The following MAF variants were observed in gnomAD, a reference collection of about 807,000 sequenced individuals.
The protein encoded by MAF is transcription factor Maf.
MAF carries 10 observed loss-of-function variants against 22.0 expected under a neutral mutation model. The observed-to-expected ratio is 0.45, with a 90% CI of 0.28 to 0.77. The LOEUF (loss-of-function observed/expected upper bound fraction) is 0.77, where lower values mean the gene tolerates loss of function less well. Ranked by LOEUF, MAF falls within the 30% of genes least tolerant of loss-of-function variation. The pLI is 0.12. For synonymous variants in MAF, 337 were observed against 255.8 expected, an observed-to-expected ratio of 1.32 and a Z score of -3.03; for missense variants, 544 against 548.4, an observed-to-expected ratio of 0.99 and a Z score of 0.08.
the MAF span, among the ~76,000 whole-genome samples, chr16:79,221,451 GAGC>G: frequency 2.0e-5 from 3 of 152,026 alleles, no homozygotes; most frequent in East Asian, 1.9e-4. Context: ...CAAAATATAG[GAGC>G]AGAAGACATG....
At chr16:79,280,045 T>A in the MAF span, among the ~76,000 whole-genome samples, 4 of 152,210 alleles carry the variant, frequency 2.6e-5, no homozygotes, top group South Asian at 8.3e-4. Flanking sequence ...ATTCTTCTGA[T>A]GATGATGTGA....
the MAF span, among the ~76,000 whole-genome samples, chr16:79,492,464 TG>T: frequency 1.4e-5 from 2 of 145,170 alleles, no homozygotes; most frequent in African/African-American, 4.9e-5. Context: ...CCAGCCCATT[TG>T]TTCTATATAT....
chr16:79,513,134 C>G, the MAF span, among the ~76,000 whole-genome samples: 3 of 152,262 alleles, frequency 2.0e-5, no homozygotes, highest in Admixed American at 6.5e-5. Flanking sequence ...CACTCTCACA[C>G]TGGTCCTCAC....
At chr16:79,464,616 T>C in the MAF span, among the ~76,000 whole-genome samples, 2 of 152,220 alleles carry the variant, frequency 1.3e-5, no homozygotes, top group Non-Finnish European at 2.9e-5. Context: ...TTTTGGAAAT[T>C]CTGCTCAAAA....
At chr16:79,372,750 G>A in the MAF span, among the ~76,000 whole-genome samples, 1 of 152,110 alleles carries the variant, frequency 6.6e-6, no homozygotes, top group East Asian at 1.9e-4. Flanking sequence ...ACTTTACATG[G>A]CCTACAAAAG....
chr16:79,308,921 G>A, the MAF span, among the ~76,000 whole-genome samples: 18 of 152,186 alleles, frequency 1.2e-4, no homozygotes, highest in African/African-American at 3.6e-4. Context: ...TTTAGAAAGC[G>A]TGGGCCCTTC....
chr16:79,551,080 A>T, the MAF span, among the ~76,000 whole-genome samples: 1 of 152,114 alleles, frequency 6.6e-6, no homozygotes, highest in Non-Finnish European at 1.5e-5. Flanking sequence ...GAACCACAAA[A>T]TGTTGACAAG....
the MAF span, chr16:79,516,234 T>C: frequency 6.6e-6 from 1 of 152,188 alleles, no homozygotes; most frequent in Non-Finnish European, 1.5e-5. Context: ...CATCGGGATT[T>C]AGGGCTATTT....
chr16:79,374,079 G>C, the MAF span, among the ~76,000 whole-genome samples: 3 of 152,082 alleles, frequency 2.0e-5, no homozygotes, highest in Admixed American at 6.5e-5. Context: ...CCTCTGCCTT[G>C]TCAGTGAAAA....
the MAF span, among the ~76,000 whole-genome samples, chr16:79,313,944 T>C: frequency 2.6e-5 from 4 of 152,274 alleles, no homozygotes; most frequent in South Asian, 2.1e-4. Flanking sequence ...TCACAGGATG[T>C]CTGCGATGAT....
the MAF span, among the ~76,000 whole-genome samples, chr16:79,433,766 C>G: frequency 3.3e-5 from 5 of 152,218 alleles, no homozygotes; most frequent in African/African-American, 7.2e-5. Context: ...AGATGTAGGG[C>G]TGGGACTTAG....
chr16:79,529,853 C>G, the MAF span, among the ~76,000 whole-genome samples: 1 of 151,640 alleles, frequency 6.6e-6, no homozygotes, highest in African/African-American at 2.4e-5. Flanking sequence ...CCCAGCTACT[C>G]AGAAGGCTGA....
chr16:79,385,426 T>C, the MAF span, among the ~76,000 whole-genome samples: 1 of 152,202 alleles, frequency 6.6e-6, no homozygotes, highest in Non-Finnish European at 1.5e-5. Context: ...TTTTTTTCAT[T>C]TTAAACTCTG....
chr16:79,317,277 C>A, the MAF span, among the ~76,000 whole-genome samples: 1 of 143,688 alleles, frequency 7.0e-6, no homozygotes, highest in Non-Finnish European at 1.5e-5. Context: ...TCCCTCCCTC[C>A]TTCCTTCCTT....
the MAF span, among the ~76,000 whole-genome samples, chr16:79,414,396 G>C: frequency 1.3e-5 from 2 of 152,144 alleles, no homozygotes; most frequent in Admixed American, 6.5e-5. Context: ...CAAGAGAGAA[G>C]GGAAGATGCC....
At chr16:79,400,982 C>T in the MAF span, among the ~76,000 whole-genome samples, 77,373 of 152,092 alleles carry the variant, frequency 0.51, 20,492 homozygotes, top group East Asian at 0.79. Context: ...CATACACAGG[C>T]GTCCAGCCCT....
At chr16:79,508,907 G>C in the MAF span, among the ~76,000 whole-genome samples, 3 of 152,176 alleles carry the variant, frequency 2.0e-5, no homozygotes, top group Non-Finnish European at 4.4e-5. Context: ...GCTTCCTTTG[G>C]AATGGGGGGA....
the MAF span, among the ~76,000 whole-genome samples, chr16:79,287,736 TTCAC>T: frequency 6.6e-6 from 1 of 152,096 alleles, no homozygotes; most frequent in Non-Finnish European, 1.5e-5. Flanking sequence ...CATTCATTCA[TTCAC>T]TCATTCTTTC....
the MAF span, among the ~76,000 whole-genome samples, chr16:79,431,928 G>A: frequency 6.6e-6 from 1 of 152,192 alleles, no homozygotes; most frequent in Admixed American, 6.5e-5. Flanking sequence ...AGACTGAGCT[G>A]CCAGTATAGT....
Sources: allele counts gnomAD v4.1 joint callset (sites outside exome capture counted in the v4.1 genomes callset), GRCh38; gene constraint gnomAD v4.1.1; transcripts MANE v1.5; gene names NCBI Gene and HGNC (gene_info 2026-07-23, HGNC 2026-07-21).